Variants in TMTC2 observed in about 807,000 individuals in gnomAD.
TMTC2 encodes the protein protein O-mannosyl-transferase TMTC2.
A neutral mutation model predicts 82.4 loss-of-function variants in TMTC2; 43 were observed. The ratio of observed to expected loss-of-function variants is 0.52; its 90% CI spans 0.41 to 0.67. The LOEUF (loss-of-function observed/expected upper bound fraction) is 0.67, where lower values mean the gene tolerates loss of function less well. TMTC2 is among the 30% of genes least tolerant of loss of function. The pLI, the probability that TMTC2 is intolerant of heterozygous loss-of-function variation, is 0.00. For missense variants in TMTC2, 919 were observed against 1,012.4 expected, an observed-to-expected ratio of 0.91 and a Z score of 1.25; for synonymous variants, 408 against 381.9, an observed-to-expected ratio of 1.07 and a Z score of -0.80.
rs188094957 is a variant in TMTC2 at position 82,932,723 on chromosome 12, T to C, written c.1598+2178T>C. ...TTACTTTTCTGGTTCCGATCCTTCA[T>C]ACATTTTTGGAAGAAAAGGAAACTG... is the stretch of plus-strand genomic sequence containing the variant. On this transcript the variant is annotated intron_variant, in intron 4 of 11. Coordinates refer to ENST00000321196, the MANE Select transcript of TMTC2 (RefSeq NM_152588.3). Among the ~76,000 whole-genome samples the C allele has an allele frequency of 4.4e-3, 663 of 152,278 alleles. 2 individuals carry two copies. Among genetic ancestry groups the C allele is most frequent in the Non-Finnish European group, 7.0e-3 (478 of 68,006 alleles).
chr12:83,006,138 C>T (rs1170243827), intron 8 of TMTC2, among the ~76,000 whole-genome samples: 5 of 152,138 alleles, frequency 3.3e-5, no homozygotes, highest in African/African-American at 1.2e-4. Flanking sequence ...ACAGGTTCCT[C>T]ACTTACCACT....
chr12:82,859,773 C>T (rs1871440067), intron 2 of TMTC2, among the ~76,000 whole-genome samples: 1 of 152,146 alleles, frequency 6.6e-6, no homozygotes, highest in Non-Finnish European at 1.5e-5. Context: ...TGAGAAGTTT[C>T]CAGATGGCTC....
At chr12:82,764,690 G>A (rs779731858) in intron 1 of TMTC2, among the ~76,000 whole-genome samples, 4 of 152,152 alleles carry the variant, frequency 2.6e-5, no homozygotes, top group Non-Finnish European at 5.9e-5. Flanking sequence ...CCACGCCGGG[G>A]AGACAGGTCT....
intron 1 of TMTC2, among the ~76,000 whole-genome samples, chr12:82,730,870 G>A (rs1043010408): frequency 6.6e-6 from 1 of 152,150 alleles, no homozygotes; most frequent in Non-Finnish European, 1.5e-5. Flanking sequence ...AAAATCAAAC[G>A]GGTATATGGA....
intron 1 of TMTC2, among the ~76,000 whole-genome samples, chr12:82,775,345 G>C (rs1171871577): frequency 6.6e-6 from 1 of 151,968 alleles, no homozygotes; most frequent in East Asian, 1.9e-4. Flanking sequence ...AGCTATTCGG[G>C]AGGCTAAGGT....
At position 82,930,473 on chromosome 12, in the gene TMTC2, T is replaced by A. The variant is rs151261742; in HGVS notation, c.1526T>A (p.Ile509Asn). 1.9e-6 allele frequency: 3 copies of A among 1,604,668 alleles called. No homozygotes were observed. Among genetic ancestry groups the A allele is most frequent in the Non-Finnish European group, 1.7e-6 (2 of 1,173,040 alleles). ...AATGTTCTGAAGAGTCAGAGCAAAATTTCTGAAGCTGAAAGCGCCTATAGA... is the reference window on the plus strand; with the variant it reads ...AATGTTCTGAAGAGTCAGAGCAAAAATTCTGAAGCTGAAAGCGCCTATAGA... ...LGNVLKSQSK[I>N]SEAESAYRNA... is the part of the protein sequence containing the mutation. The change falls in exon 4 of 12, where the codon ATT (isoleucine) becomes AAT (asparagine). Residue 509 changes from isoleucine (I) to asparagine (N), a missense_variant. By Grantham distance (149) the Ile-to-Asn change is moderately radical. Coordinates refer to ENST00000321196, the MANE Select transcript of TMTC2 (RefSeq NM_152588.3).
intron 11 of TMTC2, among the ~76,000 whole-genome samples, chr12:83,088,844 G>C (rs1180213586): frequency 2.0e-5 from 3 of 152,104 alleles, no homozygotes; most frequent in Non-Finnish European, 1.5e-5. Context: ...GGAGCTGAGG[G>C]GCTGAAGAAA....
At chr12:82,788,068 A>AATAGACTTTCC (rs772633379) in intron 1 of TMTC2, among the ~76,000 whole-genome samples, 4 of 152,092 alleles carry the variant, frequency 2.6e-5, no homozygotes, top group Non-Finnish European at 5.9e-5. Context: ...GTGAGATGAG[A>AATAGACTTTCC]ATAGACTTTC....
chr12:83,076,880 A>G (rs1210338847), intron 11 of TMTC2, among the ~76,000 whole-genome samples: 1 of 152,192 alleles, frequency 6.6e-6, no homozygotes, highest in Non-Finnish European at 1.5e-5. Context: ...ATATTTACAG[A>G]TAAATCATAT....
At chr12:82,708,213 T>C (rs1475883827) in intron 1 of TMTC2, among the ~76,000 whole-genome samples, 3 of 152,216 alleles carry the variant, frequency 2.0e-5, no homozygotes, top group Non-Finnish European at 1.5e-5. Context: ...ACCCCTGATC[T>C]AAATGGAAAC....
chr12:82,829,348 A>G (rs569684094), intron 1 of TMTC2, among the ~76,000 whole-genome samples: 13 of 152,314 alleles, frequency 8.5e-5, no homozygotes, highest in African/African-American at 3.1e-4. Context: ...TTACCTCTCT[A>G]TAATTTTATA....
chr12:82,789,600 A>G lies in TMTC2; in HGVS notation c.84-67410A>G, dbSNP rs563465485. ...GCCAGGCTCTCTACTGGAATATGCA[A>G]ACAATTCTGATTCATGTTCACCTCT... On this transcript the variant is annotated intron_variant, in intron 1 of 11. Transcript: ENST00000321196. Among the ~76,000 whole-genome samples, 4 of 152,262 alleles carry G rather than the reference A, an allele frequency of 2.6e-5. No homozygotes were observed. The South Asian group carries it at 6.2e-4, about 24-fold the overall frequency.
intron 4 of TMTC2, among the ~76,000 whole-genome samples, chr12:82,940,889 C>G (rs760086217): frequency 6.6e-6 from 1 of 151,930 alleles, no homozygotes; most frequent in Non-Finnish European, 1.5e-5. Context: ...ATTATGTTAA[C>G]ATTTGTGATA....
chr12:82,854,937 G>T (rs1419629087), intron 1 of TMTC2, among the ~76,000 whole-genome samples: 4 of 152,174 alleles, frequency 2.6e-5, no homozygotes, highest in Non-Finnish European at 5.9e-5. Flanking sequence ...ACTTTTCATA[G>T]ATTGTATCCT....
At chr12:83,116,448 T>C (rs1222543413) in intron 11 of TMTC2, among the ~76,000 whole-genome samples, 1 of 152,230 alleles carries the variant, frequency 6.6e-6, no homozygotes, top group Non-Finnish European at 1.5e-5. Flanking sequence ...TCTGGGTAGA[T>C]ACCCACTAGT....
chr12:82,824,001 C>T (rs1869264399), intron 1 of TMTC2, among the ~76,000 whole-genome samples: 2 of 149,908 alleles, frequency 1.3e-5, no homozygotes, highest in South Asian at 2.1e-4. Context: ...TCAAGTGATT[C>T]TTGTGCCTCA....
intron 1 of TMTC2, among the ~76,000 whole-genome samples, chr12:82,768,922 C>T (rs1197651419): frequency 6.6e-6 from 1 of 152,000 alleles, no homozygotes; most frequent in African/African-American, 2.4e-5. Context: ...CTTAATGAGG[C>T]TTCCACACCC....
chr12:82,948,980 C>T (rs745533286), intron 4 of TMTC2, among the ~76,000 whole-genome samples: 10 of 152,084 alleles, frequency 6.6e-5, no homozygotes, highest in Non-Finnish European at 1.2e-4. Context: ...TCAGCATTGG[C>T]GCTGCTTTTT....
At chr12:82,886,951 A>G (rs1873131194) in intron 2 of TMTC2, among the ~76,000 whole-genome samples, 1 of 152,198 alleles carries the variant, frequency 6.6e-6, no homozygotes, top group South Asian at 2.1e-4. Context: ...GAGAAATCCT[A>G]TTTTACTGAC....
Sources: allele counts gnomAD v4.1 joint callset (sites outside exome capture counted in the v4.1 genomes callset), GRCh38; gene constraint gnomAD v4.1.1; transcripts MANE v1.5; gene names NCBI Gene and HGNC (gene_info 2026-07-23, HGNC 2026-07-21).